The following CTNND2 variants were observed in gnomAD, a reference collection of about 807,000 sequenced individuals.
CTNND2 encodes the protein catenin delta-2.
CTNND2 carries 22 observed loss-of-function variants against 144.4 expected under a neutral mutation model. The observed-to-expected ratio is 0.15, with a 90% CI of 0.11 to 0.22. The LOEUF is 0.22. Ranked by LOEUF, CTNND2 falls within the 10% of genes least tolerant of loss-of-function variation. CTNND2 has a pLI of 1.00. For synonymous variants in CTNND2, 751 were observed against 695.6 expected, an observed-to-expected ratio of 1.08 and a Z score of -1.25; for missense variants, 1,353 against 1,618.8, an observed-to-expected ratio of 0.84 and a Z score of 2.82.
intron 3 of CTNND2, among the ~76,000 whole-genome samples, chr5:11,463,978 T>G (rs991752730): frequency 1.3e-5 from 2 of 152,210 alleles, no homozygotes; most frequent in Non-Finnish European, 2.9e-5. Context: ...TTCAAAGCAA[T>G]TTTAATTGAT....
At chr5:11,620,075 A>G (rs572117029) in intron 2 of CTNND2, among the ~76,000 whole-genome samples, 2 of 152,344 alleles carry the variant, frequency 1.3e-5, no homozygotes, top group South Asian at 4.1e-4. Context: ...TAAATCTTAA[A>G]TAAAAACTTT....
At chr5:11,178,070 CA>C (rs1326764996) in intron 11 of CTNND2, among the ~76,000 whole-genome samples, 1 of 152,124 alleles carries the variant, frequency 6.6e-6, no homozygotes. Flanking sequence ...GCTTAGGATT[CA>C]AGCTGGTTTT....
intron 11 of CTNND2, among the ~76,000 whole-genome samples, chr5:11,166,391 GGCGTGCACCACCAC>G (rs560367766): frequency 0.011 from 1,661 of 151,756 alleles, 37 homozygotes; most frequent in African/African-American, 0.038. Flanking sequence ...TGGGACTACA[GGCGTGCACCACCAC>G]GCCCGGCTAA....
chr5:11,227,157 G>T (rs993092426), intron 10 of CTNND2, among the ~76,000 whole-genome samples: 1 of 152,154 alleles, frequency 6.6e-6, no homozygotes, highest in African/African-American at 2.4e-5. Flanking sequence ...CTATGGAATT[G>T]GTTTTACATT....
At chr5:11,504,392 A>C (rs112374057) in intron 3 of CTNND2, among the ~76,000 whole-genome samples, 1 of 152,224 alleles carries the variant, frequency 6.6e-6, no homozygotes, top group Admixed American at 6.5e-5. Flanking sequence ...TTAAGAGCCC[A>C]GTCTTTAAAA....
At chr5:11,176,788 T>G (rs1171977872) in intron 11 of CTNND2, among the ~76,000 whole-genome samples, 3 of 152,152 alleles carry the variant, frequency 2.0e-5, no homozygotes, top group African/African-American at 7.2e-5. Context: ...GCTCACCCCC[T>G]CTGTTTATCT....
At position 11,159,712 on chromosome 5, in the gene CTNND2, T is replaced by C. The variant is rs1758579299; in HGVS notation, c.2023A>G (p.Ile675Val). 6.2e-7 allele frequency: 1 copy of C among 1,608,978 alleles called. No homozygotes were observed. The highest frequency in any genetic ancestry group is 8.5e-7 in the Non-Finnish European group (1 of 1,177,836). Residue 675 changes from isoleucine to valine, a missense_variant, in exon 12 of 22, where the codon ATC becomes GTC. Around this residue, in one of 4 missense-constraint regions of CTNND2, gnomAD observed 117 missense variants for 117.8 expected, o/e 0.99. Coordinates refer to ENST00000304623, the MANE Select transcript of CTNND2 (RefSeq NM_001332.4). ...SSCDALKMPI[I>V]QDALAVLTNA... ...GTCAGTACTGCTAGGGCATCCTGGA[T>C]GATTGGCATTTTGAGTGCATCGCAT...
chr5:11,903,776 G>A lies in CTNND2; in HGVS notation c.37+41C>T. On this transcript the variant is annotated intron_variant, in intron 1 of 21. Transcript: ENST00000304623. This position sits in a 1 kb window ranked among gnomAD's most constrained non-coding sequence, Gnocchi z 5.4. ...AAGAGGAGGAGGACGGCGCCGGGAGGAGGCTGCGCCCGGCCCCGGCCGCCC... is the reference window on the plus strand; with the variant it reads ...AAGAGGAGGAGGACGGCGCCGGGAGAAGGCTGCGCCCGGCCCCGGCCGCCC... The A allele has an allele frequency of 6.8e-7, 1 of 1,469,402 alleles. No homozygotes were observed. The highest frequency in any genetic ancestry group is 2.4e-5 in the Admixed American group (1 of 41,982). The allele number at this position is 1,469,402 out of a possible 1,614,324, so 91.0% of individuals were successfully genotyped here.
intron 1 of CTNND2, among the ~76,000 whole-genome samples, chr5:11,782,067 C>T (rs1790567634): frequency 6.6e-6 from 1 of 152,180 alleles, no homozygotes; most frequent in Non-Finnish European, 1.5e-5. Flanking sequence ...GTGATAGTCA[C>T]ATGAGAGCTG....
At chr5:11,461,704 C>A (rs73048043) in intron 3 of CTNND2, among the ~76,000 whole-genome samples, 40 of 152,220 alleles carry the variant, frequency 2.6e-4, no homozygotes, top group African/African-American at 9.4e-4. Flanking sequence ...TCAGCCAACA[C>A]TTCTTGTAAA....
chr5:10,992,908 T>C (rs1738864024), intron 18 of CTNND2, among the ~76,000 whole-genome samples: 1 of 152,128 alleles, frequency 6.6e-6, no homozygotes, highest in Non-Finnish European at 1.5e-5. Flanking sequence ...TTCATGAATG[T>C]TGAATAAATG....
chr5:11,656,922 G>A (rs909578662), intron 2 of CTNND2, among the ~76,000 whole-genome samples: 1 of 152,094 alleles, frequency 6.6e-6, no homozygotes, highest in South Asian at 2.1e-4. Context: ...TGAGAACTTG[G>A]CCCTCTGCGT....
At chr5:10,985,945 T>C (rs917251958) in intron 20 of CTNND2, among the ~76,000 whole-genome samples, 1 of 152,102 alleles carries the variant, frequency 6.6e-6, no homozygotes, top group Non-Finnish European at 1.5e-5. Context: ...TCACCCTCAC[T>C]ACCACCACCA....
At chr5:11,336,877 T>C (rs1753786015) in intron 9 of CTNND2, among the ~76,000 whole-genome samples, 1 of 152,074 alleles carries the variant, frequency 6.6e-6, no homozygotes, top group African/African-American at 2.4e-5. Context: ...CATAACTTTC[T>C]TTAATAAAAG....
intron 9 of CTNND2, among the ~76,000 whole-genome samples, chr5:11,319,971 C>T (rs1008258427): frequency 6.6e-6 from 1 of 152,166 alleles, no homozygotes; most frequent in African/African-American, 2.4e-5. Context: ...CCCGCTTTGG[C>T]AGGCTCACAA....
chr5:11,211,713 T>C (rs1472186110), intron 10 of CTNND2, among the ~76,000 whole-genome samples: 1 of 152,236 alleles, frequency 6.6e-6, no homozygotes, highest in African/African-American at 2.4e-5. Context: ...TTTTAAAAAC[T>C]GCTATTCTTT....
At chr5:11,864,987 C>T (rs960447835) in intron 1 of CTNND2, among the ~76,000 whole-genome samples, 3 of 138,636 alleles carry the variant, frequency 2.2e-5, no homozygotes, top group Non-Finnish European at 3.0e-5. Context: ...CTCTGCCTCC[C>T]GGGTTCAGGC....
At chr5:11,454,058 T>C (rs748303169) in intron 3 of CTNND2, among the ~76,000 whole-genome samples, 1 of 152,060 alleles carries the variant, frequency 6.6e-6, no homozygotes, top group Non-Finnish European at 1.5e-5. Context: ...TTATTTACTT[T>C]GTTCCTCTCC....
chr5:11,036,223 A>G (rs1433947009), intron 16 of CTNND2, among the ~76,000 whole-genome samples: 1 of 152,132 alleles, frequency 6.6e-6, no homozygotes, highest in Non-Finnish European at 1.5e-5. Context: ...ATTAATATTT[A>G]GCAAAAGATC....
Sources: gnomAD v4.1 joint callset for allele counts (sites outside exome capture counted in the v4.1 genomes callset) on GRCh38, gnomAD v4.1.1 for gene constraint, gnomAD v4.1.1 regional missense constraint, Gnocchi (gnomAD v3.1) non-coding constraint, MANE v1.5 for transcripts, NCBI Gene and HGNC (gene_info 2026-07-23, HGNC 2026-07-21) for gene names.